Variants in CFAP20DC observed in about 807,000 individuals in gnomAD.
CFAP20DC encodes CFAP20 domain containing.
Under a neutral mutation model 101.7 loss-of-function variants are expected in CFAP20DC, and 84 were observed. The ratio of observed to expected loss-of-function variants is 0.83; its 90% CI spans 0.69 to 0.99. CFAP20DC has a LOEUF of 0.99. Ranked by LOEUF, CFAP20DC falls within the 50% of genes least tolerant of loss-of-function variation. The probability of loss-of-function intolerance (pLI) is 0.00; values close to 1 mark genes in which losing one functional copy is unlikely to be tolerated. For missense variants in CFAP20DC, 1,007 were observed against 970.3 expected, an observed-to-expected ratio of 1.04 and a Z score of -0.50; for synonymous variants, 359 against 351.2, an observed-to-expected ratio of 1.02 and a Z score of -0.25.
intron 4 of CFAP20DC, among the ~76,000 whole-genome samples, chr3:59,025,321 C>G (rs2093874748): frequency 6.6e-6 from 1 of 152,118 alleles, no homozygotes; most frequent in Non-Finnish European, 1.5e-5. Context: ...CAAGGAAAAG[C>G]TGCATCTGTC....
intron 14 of CFAP20DC, among the ~76,000 whole-genome samples, chr3:58,818,352 G>T (rs1248279696): frequency 2.7e-5 from 4 of 147,622 alleles, no homozygotes; most frequent in Admixed American, 2.7e-4. Flanking sequence ...TGGCAAATTG[G>T]ATAAAGAGTC....
rs929707703 is a variant in CFAP20DC, at chr3:58,864,340, G to A, written c.1259-448C>T. 6.6e-6 allele frequency among the ~76,000 whole-genome samples: 1 copy of A among 152,180 alleles called. No homozygotes were observed. The highest frequency in any genetic ancestry group is 2.4e-5 in the African/African-American group (1 of 41,432). On this transcript the variant is annotated intron_variant, in intron 11 of 16. Coordinates refer to ENST00000482387, the MANE Select transcript of CFAP20DC (RefSeq NM_001394063.1). This position sits in a 1 kb window ranked among gnomAD's most constrained non-coding sequence, Gnocchi z 4.7. ...ATCAAATAACGCAAAGCAAAGGAAG[G>A]CAATTTATAGACCATCTTGTAACCT... is the stretch of plus-strand genomic sequence containing the variant.
chr3:58,959,971 CT>C (rs1422832706), intron 4 of CFAP20DC, among the ~76,000 whole-genome samples: 1 of 152,100 alleles, frequency 6.6e-6, no homozygotes, highest in East Asian at 1.9e-4. Flanking sequence ...GTTAAATTTT[CT>C]GGTTTTTTTT....
chr3:59,047,250 C>A lies in CFAP20DC; in HGVS notation c.26G>T (p.Gly9Val). ...AGCACTGAAAATTTCAACAAATGCA[C>A]CTCCCTAGAAAATGAAAATAAAATA... MFKNEYQG[G>V]AFVEIFSAQG... Residue 9 changes from glycine (G) to valine (V), a missense_variant, in exon 2 of 17, where the codon GGT becomes GTT. Coordinates refer to ENST00000482387, the MANE Select transcript of CFAP20DC (RefSeq NM_001394063.1). The A allele has an allele frequency of 6.5e-7, 1 of 1,529,150 alleles. No homozygotes were observed. Among genetic ancestry groups the A allele is most frequent in the Non-Finnish European group, 8.8e-7 (1 of 1,140,718 alleles). 94.7% of individuals were successfully genotyped at this position (1,529,150 alleles called of 1,614,324 possible). A position where few individuals can be genotyped will look rare whatever the true frequency, so the allele number is the denominator to read the frequency against.
At chr3:58,848,202 C>A (rs1452303228) in intron 13 of CFAP20DC, among the ~76,000 whole-genome samples, 1 of 150,396 alleles carries the variant, frequency 6.6e-6, no homozygotes. Flanking sequence ...GAGACTGGTA[C>A]ATGATGAATG....
intron 3 of CFAP20DC, chr3:58,727,217 G>C (rs1344273928): frequency 6.5e-6 from 1 of 154,568 alleles, no homozygotes; most frequent in Non-Finnish European, 1.4e-5. Flanking sequence ...AGTGAGCATT[G>C]AAGAATATGT....
chr3:58,731,939 A>C (rs1480375525), intron 3 of CFAP20DC, among the ~76,000 whole-genome samples: 2 of 152,364 alleles, frequency 1.3e-5, no homozygotes, highest in East Asian at 3.9e-4. Context: ...AGATTCCTGC[A>C]TCACCACTCA....
At chr3:59,044,573 T>C (rs1699688642) in intron 3 of CFAP20DC, among the ~76,000 whole-genome samples, 1 of 152,068 alleles carries the variant, frequency 6.6e-6, no homozygotes, top group Admixed American at 6.5e-5. Context: ...TTGGTTTATT[T>C]CTTAAAAAAA....
intron 11 of CFAP20DC, among the ~76,000 whole-genome samples, chr3:58,865,199 T>C (rs1004828747): frequency 2.0e-5 from 3 of 151,974 alleles, no homozygotes; most frequent in South Asian, 2.1e-4. Context: ...AATCATATTA[T>C]ATTTATGATC....
intron 15 of CFAP20DC, among the ~76,000 whole-genome samples, chr3:58,766,260 A>C (rs1452332703): frequency 6.6e-6 from 1 of 152,222 alleles, no homozygotes; most frequent in Non-Finnish European, 1.5e-5. Context: ...CTTATTTACA[A>C]AAACAGGCAG....
intron 4 of CFAP20DC, among the ~76,000 whole-genome samples, chr3:58,988,078 A>G (rs2108584843): frequency 6.6e-6 from 1 of 152,260 alleles, no homozygotes; most frequent in East Asian, 1.9e-4. Context: ...CAGTCTAACA[A>G]TGTATAAAAA....
chr3:58,891,173 G>C (rs1001868647), intron 6 of CFAP20DC, among the ~76,000 whole-genome samples: 1 of 152,022 alleles, frequency 6.6e-6, no homozygotes, highest in African/African-American at 2.4e-5. Flanking sequence ...CTGCAATCCC[G>C]GCACCTTGGG....
intron 4 of CFAP20DC, among the ~76,000 whole-genome samples, chr3:59,026,417 T>C (rs1403291210): frequency 6.6e-6 from 1 of 152,180 alleles, no homozygotes; most frequent in Non-Finnish European, 1.5e-5. Context: ...ACATCTCTTT[T>C]ACAAATAACT....
Position 58,970,859 on chromosome 3 carries a change from C to T in CFAP20DC, c.279-33097G>A, listed in dbSNP as rs528560780. On this transcript the variant is annotated intron_variant, in intron 4 of 16. Coordinates refer to ENST00000482387, the MANE Select transcript of CFAP20DC (RefSeq NM_001394063.1). The stretch of plus-strand genomic sequence containing the variant: ...TTGCTTTGTCAGCTCTAATTTATTG[C>T]GTTGTTCTCTTTCCCTTTCTTTAAG... The T allele has an allele frequency of 3.9e-5, 6 of 152,202 alleles. No homozygotes were observed. The South Asian group carries it at 6.2e-4, about 16-fold the overall frequency. The allele number at this position is 152,202 out of a possible 1,614,324, so 9.4% of individuals were successfully genotyped here.
At chr3:58,948,158 G>A (rs1024708277) in intron 4 of CFAP20DC, among the ~76,000 whole-genome samples, 2 of 152,224 alleles carry the variant, frequency 1.3e-5, no homozygotes, top group Non-Finnish European at 2.9e-5. Context: ...CATGACATGG[G>A]ACACTGGAGT....
Position 58,742,265 on chromosome 3 carries a change from C to CA in CFAP20DC, c.*194dup. The CA allele has an allele frequency of 8.7e-7, 1 of 1,147,364 alleles. No individual in the cohort carries two copies. The highest frequency in any genetic ancestry group is 1.1e-6 in the Non-Finnish European group (1 of 930,734). 71.1% of individuals were successfully genotyped at this position (1,147,364 alleles called of 1,614,324 possible). A position where few individuals can be genotyped will look rare whatever the true frequency, so the allele number is the denominator to read the frequency against. ...GCCTCTGTATTAATTTCTTCAGTTT[C>CA]AAAATCATACTCATCTACAAAAGGA... On this transcript the variant is annotated 3_prime_UTR_variant, in exon 17 of 17. Coordinates refer to ENST00000482387, the MANE Select transcript of CFAP20DC (RefSeq NM_001394063.1).
chr3:58,723,346 A>C (rs2067498718), intron 3 of CFAP20DC, among the ~76,000 whole-genome samples: 1 of 152,246 alleles, frequency 6.6e-6, no homozygotes, highest in African/African-American at 2.4e-5. Context: ...ATAGTCATCC[A>C]ATATTATACT....
At chr3:58,730,748 C>A (rs940737547) in intron 3 of CFAP20DC, among the ~76,000 whole-genome samples, 9 of 152,114 alleles carry the variant, frequency 5.9e-5, no homozygotes, top group Non-Finnish European at 1.3e-4. Context: ...CCCCAAATGA[C>A]AAACACATGT....
chr3:58,863,759 G>T lies in CFAP20DC; in HGVS notation c.1392C>A (p.Asp464Glu). The T allele has an allele frequency of 5.0e-6, 8 of 1,614,194 alleles. No homozygotes were observed. Among genetic ancestry groups the T allele is most frequent in the Non-Finnish European group, 5.9e-6 (7 of 1,180,038 alleles). Residue 464 changes from aspartate to glutamate, a missense_variant, in exon 12 of 17, where the codon GAC (aspartate) becomes GAA (glutamate). Coordinates refer to ENST00000482387, the MANE Select transcript of CFAP20DC (RefSeq NM_001394063.1). The surrounding 1 kb of genome is among the most constrained non-coding windows in gnomAD (Gnocchi z 5.9). ...CACTCTGGGATTCCTCTGCCTGCTG[G>T]TCGTGTTCACTCTCTTTGCTGGCTT... is the stretch of plus-strand genomic sequence containing the variant. ...WLEASKESEH[D>E]QQAEESQSVP... is the part of the protein sequence containing the mutation.
Sources: gnomAD v4.1 joint callset for allele counts (sites outside exome capture counted in the v4.1 genomes callset) on GRCh38, gnomAD v4.1.1 for gene constraint, Gnocchi (gnomAD v3.1) non-coding constraint, MANE v1.5 for transcripts, NCBI Gene and HGNC (gene_info 2026-07-23, HGNC 2026-07-21) for gene names.